CLASRP: variants seen among roughly 807,000 people sequenced by gnomAD.
CLASRP encodes CLK4 associating serine/arginine rich protein, also known as CLK4-associating serine/arginine rich protein.
A neutral mutation model predicts 99.9 loss-of-function variants in CLASRP; 52 were observed. The ratio of observed to expected loss-of-function variants is 0.52; its 90% confidence interval spans 0.42 to 0.66. CLASRP has a LOEUF of 0.66. Ranked by LOEUF, CLASRP falls within the 30% of genes least tolerant of loss-of-function variation. The pLI, the probability that CLASRP is intolerant of heterozygous loss-of-function variation, is 0.00. For synonymous variants in CLASRP, 379 were observed against 373.0 expected (o/e 1.02, Z -0.18); for missense variants, 848 against 999.2 (o/e 0.85, Z 2.04).
chr19:45,068,741 G>A (rs1382730779), intron 16 of CLASRP, among the ~76,000 whole-genome samples: 1 of 151,300 alleles, frequency 6.6e-6, no homozygotes, highest in East Asian at 2.0e-4. Flanking sequence ...GCTCACACCT[G>A]TAATCCCAGC....
chr19:45,063,907 G>C, intron 11 of CLASRP, 105 bp from the exon 12 acceptor site: 1 of 1,456,962 alleles, frequency 6.9e-7, no homozygotes, highest in Non-Finnish European at 9.1e-7. Flanking sequence ...TGGTTTCCCG[G>C]GTCGCTGTGG....
At chr19:45,048,184 G>A (rs1971956746) in intron 2 of CLASRP, among the ~76,000 whole-genome samples, 2 of 151,914 alleles carry the variant, frequency 1.3e-5, no homozygotes, top group Non-Finnish European at 1.5e-5. Flanking sequence ...TATTCCTAAT[G>A]TCAGGCAGGT....
intron 7 of CLASRP, 67 bp downstream of exon 7, chr19:45,057,965 C>T: frequency 6.3e-7 from 1 of 1,592,404 alleles, no homozygotes; most frequent in Non-Finnish European, 8.6e-7. Flanking sequence ...TCGTCCCTCA[C>T]CCTCTGTGGG....
At chr19:45,054,282 C>G (rs1231264499) in intron 5 of CLASRP, among the ~76,000 whole-genome samples, 1 of 152,098 alleles carries the variant, frequency 6.6e-6, no homozygotes, top group Non-Finnish European at 1.5e-5. Flanking sequence ...TTGAGTCTTA[C>G]TCTGTTGCCC....
At chr19:45,069,002 AAAG>A (rs1967167826) in intron 16 of CLASRP, 61 bp from the exon 17 acceptor site, 2 of 1,448,436 alleles carry the variant, frequency 1.4e-6, no homozygotes, top group African/African-American at 1.4e-5. Context: ...AAAAAAAAAA[AAAG>A]AAAAAAGAGA....
chr19:45,046,132 C>T (rs1029966620), intron 2 of CLASRP, among the ~76,000 whole-genome samples: 2 of 152,114 alleles, frequency 1.3e-5, no homozygotes, highest in Non-Finnish European at 2.9e-5. Context: ...ATGGCTGGGC[C>T]GTGGCTGATG....
At chr19:45,065,970 A>G (rs915029704) in intron 13 of CLASRP, among the ~76,000 whole-genome samples, 4 of 152,178 alleles carry the variant, frequency 2.6e-5, no homozygotes, top group Non-Finnish European at 2.9e-5. Context: ...CAGGTAAAGT[A>G]GAGGGGCCAG....
chr19:45,052,280 T>C (rs369845427), intron 3 of CLASRP, 112 bp downstream of exon 3: 11 of 845,112 alleles, frequency 1.3e-5, no homozygotes, highest in East Asian at 1.3e-4. Context: ...CTTTGGGGAC[T>C]CAGAGGCAGG....
In CLASRP at chr19:45,053,116, G is replaced by A. The variant is rs745834223; in HGVS notation, c.318G>A (p.Ser106=). Residue 106 remains serine, a synonymous_variant, in exon 5 of 21, where the codon TCG becomes TCA. Coordinates refer to ENST00000221455, the MANE Select transcript of CLASRP (RefSeq NM_007056.3). ...CCTAAAGCTCCCCAGAACAGGAGTC[G>A]GACGAACGGAAGTGTAACTACGAGC... ...LLTTISPEQE[S]DERKCNYERY... 13 of 1,613,852 alleles carry A rather than the reference G, an allele frequency of 8.1e-6. No individual in the cohort carries two copies. The highest frequency in any genetic ancestry group is 4.4e-5 in the South Asian group (4 of 91,080).
chr19:45,052,997 A>G (rs966576595), intron 4 of CLASRP, 101 bp from the exon 5 acceptor site: 2 of 1,534,786 alleles, frequency 1.3e-6, no homozygotes, highest in Admixed American at 1.7e-5. Context: ...CCTATTTGGT[A>G]CCGCCCTGAG....
Position 45,064,131 on chromosome 19 carries a change from C to T in CLASRP, c.1025C>T (p.Ala342Val). 2 of 1,610,488 alleles carry T rather than the reference C, an allele frequency of 1.2e-6. No homozygotes were observed. Among genetic ancestry groups the T allele is most frequent in the Non-Finnish European group, 1.7e-6 (2 of 1,179,346 alleles). ...GGCAGCGATGAGGAGGCAGCCGCAGCCGCTGCTGCCGCAGCAGCATCAGGA... is the reference window on the plus strand; with the variant it reads ...GGCAGCGATGAGGAGGCAGCCGCAGTCGCTGCTGCCGCAGCAGCATCAGGA... ...FGGSDEEAAA[A>V]AAAAAASGVT... Residue 342 changes from alanine to valine, a missense_variant, in exon 12 of 21, where the codon GCC (alanine) becomes GTC (valine). By Grantham distance (64) the Ala-to-Val change is moderately conservative (BLOSUM62 0). Transcript: ENST00000221455.
chr19:45,067,454 TCGCAGC>T lies in CLASRP; in HGVS notation c.1535_1540del (p.Arg512_Ser513del). 6.5e-7 allele frequency: 1 copy of T among 1,545,306 alleles called. No homozygotes were observed. The highest frequency in any genetic ancestry group is 8.7e-7 in the Non-Finnish European group (1 of 1,149,694). ...GCCCGTCCCGCAGTCGCAGCCTGAC[TCGCAGC>T]CGCAGCCATAGCCCCAGCCCCAGCC... On this transcript the variant is annotated inframe_deletion, in exon 14 of 21. Transcript: ENST00000221455. This position sits in a 1 kb window ranked among gnomAD's most constrained non-coding sequence, Gnocchi z 4.9.
intron 16 of CLASRP, 54 bp from the exon 17 acceptor site, chr19:45,069,010 AAG>A (rs1967168181): frequency 1.8e-5 from 27 of 1,471,346 alleles, no homozygotes; most frequent in Admixed American, 9.8e-5. Flanking sequence ...AAAAAGAAAA[AAG>A]AGAGTGGGGC....
intron 5 of CLASRP, among the ~76,000 whole-genome samples, chr19:45,054,256 TTTG>T (rs1300642654): frequency 4.0e-5 from 6 of 150,920 alleles, no homozygotes; most frequent in African/African-American, 1.2e-4. Context: ...TTTGGGGTTT[TTTG>T]TTTTTTTTGA....
In CLASRP at chr19:45,055,221, C is replaced by T. The variant is rs143693158; in HGVS notation, c.380-1229C>T. On this transcript the variant is annotated intron_variant, in intron 5 of 20. Coordinates refer to ENST00000221455, the MANE Select transcript of CLASRP (RefSeq NM_007056.3). ...CCAAGGTGATGTGACAGACAGTGTG[C>T]CATTCTCTGAGAAAAATAGGACAGA... Among the ~76,000 whole-genome samples the T allele has an allele frequency of 4.2e-4, 64 of 152,318 alleles. No individual in the cohort carries two copies. The Middle Eastern group carries it at 0.014, about 32-fold the overall frequency.
intron 13 of CLASRP, among the ~76,000 whole-genome samples, chr19:45,065,442 T>C (rs558137367): frequency 5.3e-5 from 8 of 149,930 alleles, no homozygotes; most frequent in Non-Finnish European, 8.9e-5. Context: ...GCGCATGTAG[T>C]CCCAGCTATG....
At position 45,052,906 on chromosome 19, in the gene CLASRP, CA is replaced by C. The variant is rs1156848686; in HGVS notation, c.299+15del. On this transcript the variant is annotated intron_variant, in intron 4 of 20. Coordinates refer to ENST00000221455, the MANE Select transcript of CLASRP (RefSeq NM_007056.3). The stretch of plus-strand genomic sequence containing the variant: ...GCTCACCACCATGTAAGCCACCTCC[CA>C]GGGGGTTGCCAGGCACAGCGTCATA... The C allele has an allele frequency of 5.0e-6, 8 of 1,593,770 alleles. No individual in the cohort carries two copies. Among genetic ancestry groups the C allele is most frequent in the Non-Finnish European group, 4.3e-6 (5 of 1,169,944 alleles).
rs138855474 is a variant in CLASRP, at chr19:45,052,139, C to T, written c.168C>T (p.Val56=). Residue 56 remains valine (V), a synonymous_variant, in exon 3 of 21, where the codon GTC becomes GTT. Coordinates refer to ENST00000221455, the MANE Select transcript of CLASRP (RefSeq NM_007056.3). ...RACKVHLDSA[V]ALAAESPVNM... The stretch of plus-strand genomic sequence containing the variant: ...GCAAGGTGCACCTGGATTCTGCAGT[C>T]GCCCTGGCCGCTGAGAGCCCTGTTA... 3.6e-5 allele frequency: 58 copies of T among 1,613,886 alleles called. No individual in the cohort carries two copies. The highest frequency in any genetic ancestry group is 3.5e-4 in the African/African-American group (26 of 74,876).
intron 13 of CLASRP, among the ~76,000 whole-genome samples, chr19:45,064,899 C>G (rs1284526197): frequency 6.6e-6 from 1 of 152,164 alleles, no homozygotes; most frequent in African/African-American, 2.4e-5. Context: ...CTGTGCATCT[C>G]TCTCTCCTCA....
Sources: gnomAD v4.1 joint callset for allele counts (sites outside exome capture counted in the v4.1 genomes callset) on GRCh38, gnomAD v4.1.1 for gene constraint, Gnocchi (gnomAD v3.1) non-coding constraint, MANE v1.5 for transcripts, NCBI Gene and HGNC (gene_info 2026-07-23, HGNC 2026-07-21) for gene names.